GPC6: variants seen among roughly 807,000 people sequenced by gnomAD.
The protein encoded by GPC6 is glypican 6, also known as glypican-6.
In GPC6, 14 loss-of-function variants were observed where a neutral mutation model predicts 55.2. That is an observed-to-expected ratio of 0.25 (90% CI 0.17 to 0.40). The LOEUF is 0.40. GPC6 is among the 10% of genes least tolerant of loss of function. The pLI, the probability that GPC6 is intolerant of heterozygous loss-of-function variation, is 1.00. For synonymous variants in GPC6, 278 were observed against 259.6 expected, an observed-to-expected ratio of 1.07 and a Z score of -0.68; for missense variants, 641 against 708.5, an observed-to-expected ratio of 0.90 and a Z score of 1.08.
chr13:94,011,502 CTT>C (rs1159157168), intron 3 of GPC6, among the ~76,000 whole-genome samples: 1 of 152,150 alleles, frequency 6.6e-6, no homozygotes, highest in Non-Finnish European at 1.5e-5. Flanking sequence ...CCCCAGAACT[CTT>C]GGGAATACTG....
intron 2 of GPC6, among the ~76,000 whole-genome samples, chr13:93,559,985 C>T (rs1413958719): frequency 1.3e-5 from 2 of 152,164 alleles, no homozygotes; most frequent in African/African-American, 4.8e-5. Context: ...ATCACCTGCA[C>T]ACCTAAATGG....
intron 3 of GPC6, among the ~76,000 whole-genome samples, chr13:94,014,816 C>T (rs1882395719): frequency 1.3e-5 from 2 of 152,134 alleles, no homozygotes; most frequent in Non-Finnish European, 2.9e-5. Context: ...TAGCTTTTGT[C>T]ATTTAGCATA....
chr13:94,397,436 G>T (rs1880940536), intron 7 of GPC6, among the ~76,000 whole-genome samples: 1 of 152,150 alleles, frequency 6.6e-6, no homozygotes, highest in Non-Finnish European at 1.5e-5. Context: ...GGAAAGAAAT[G>T]TGAAACTCAG....
intron 3 of GPC6, among the ~76,000 whole-genome samples, chr13:93,916,388 T>A (rs1877295905): frequency 6.6e-6 from 1 of 152,100 alleles, no homozygotes; most frequent in Non-Finnish European, 1.5e-5. Flanking sequence ...CCTTTTTTCA[T>A]CACAGAACTG....
At chr13:93,526,122 T>C (rs1453664002) in intron 1 of GPC6, among the ~76,000 whole-genome samples, 1 of 152,084 alleles carries the variant, frequency 6.6e-6, no homozygotes, top group East Asian at 1.9e-4. Flanking sequence ...TGTCCCATAC[T>C]CTGATAGCTA....
chr13:93,283,849 G>C (rs80098904), intron 1 of GPC6, among the ~76,000 whole-genome samples: 2,193 of 152,116 alleles, frequency 0.014, 27 homozygotes, highest in South Asian at 0.027. Context: ...ATATTTAATT[G>C]GCATTCCTAA....
At chr13:94,241,630 G>T (rs1457613935) in intron 4 of GPC6, among the ~76,000 whole-genome samples, 1 of 152,104 alleles carries the variant, frequency 6.6e-6, no homozygotes, top group Admixed American at 6.6e-5. Flanking sequence ...CCAGAGACTG[G>T]TTGTACCCAG....
At chr13:94,258,905 G>C (rs1891578978) in intron 4 of GPC6, among the ~76,000 whole-genome samples, 1 of 152,080 alleles carries the variant, frequency 6.6e-6, no homozygotes. Flanking sequence ...TGCTTCTCAA[G>C]GCATCAAACA....
rs564266465 is a variant in GPC6, at chr13:94,396,994, T to C, written c.1290-1472T>C. On this transcript the variant is annotated intron_variant, in intron 7 of 8. Transcript: ENST00000377047. ...AATACTCCCCATCTCCTAGATTTGC[T>C]GTTGGGCTGAATTTAAAGATGTGCG... Among the ~76,000 whole-genome samples the C allele has an allele frequency of 2.6e-5, 4 of 152,320 alleles. No individual in the cohort carries two copies. In the South Asian group the frequency reaches 8.3e-4, roughly 32 times the overall value.
At chr13:93,543,258 CT>C (rs1318378781) in intron 1 of GPC6, among the ~76,000 whole-genome samples, 3 of 152,252 alleles carry the variant, frequency 2.0e-5, no homozygotes, top group African/African-American at 4.8e-5. Flanking sequence ...TGTCAAAGGC[CT>C]TTTCTGCCTC....
In GPC6 at chr13:93,485,875, C is replaced by T. The variant is rs1879689878; in HGVS notation, c.161-59388C>T. On this transcript the variant is annotated intron_variant, in intron 1 of 8. Transcript: ENST00000377047. ...TGATTCTGAAGCTCAGGGAAGAGAT[C>T]TGGAATGGAATTCAGACTTAAGACA... 2.0e-5 allele frequency among the ~76,000 whole-genome samples: 3 copies of T among 152,160 alleles called. No individual in the cohort carries two copies. In the South Asian group the frequency reaches 6.2e-4, roughly 32 times the overall value.
At chr13:93,541,202 A>C (rs1882282695) in intron 1 of GPC6, among the ~76,000 whole-genome samples, 1 of 126,028 alleles carries the variant, frequency 7.9e-6, no homozygotes, top group Non-Finnish European at 1.6e-5. Context: ...CAGTCCCCAG[A>C]GTGTGATGTT....
chr13:93,528,938 C>T (rs969637440), intron 1 of GPC6, among the ~76,000 whole-genome samples: 8 of 152,034 alleles, frequency 5.3e-5, no homozygotes, highest in African/African-American at 1.9e-4. Flanking sequence ...TGAGCATAGG[C>T]TATTTATGGG....
intron 6 of GPC6, among the ~76,000 whole-genome samples, chr13:94,314,507 A>C (rs936875786): frequency 6.6e-6 from 1 of 152,198 alleles, no homozygotes; most frequent in Admixed American, 6.5e-5. Context: ...TTATTCTGCT[A>C]TGTAATTGGT....
chr13:93,621,446 T>C (rs1313898384), intron 2 of GPC6, among the ~76,000 whole-genome samples: 1 of 152,186 alleles, frequency 6.6e-6, no homozygotes, highest in Admixed American at 6.5e-5. Context: ...GGTAGCCATG[T>C]TTCTCAAACT....
At chr13:93,912,838 C>A (rs1877079252) in intron 3 of GPC6, among the ~76,000 whole-genome samples, 2 of 152,168 alleles carry the variant, frequency 1.3e-5, no homozygotes, top group South Asian at 4.2e-4. Flanking sequence ...CTTCTGGAGG[C>A]ACTGAAAGAG....
At chr13:93,546,110 T>G (rs1296196410) in intron 2 of GPC6, among the ~76,000 whole-genome samples, 1 of 152,220 alleles carries the variant, frequency 6.6e-6, no homozygotes, top group Admixed American at 6.5e-5. Context: ...TCAACAATGA[T>G]AACAATAAAT....
At chr13:93,995,322 G>A (rs1881494014) in intron 3 of GPC6, among the ~76,000 whole-genome samples, 1 of 151,658 alleles carries the variant, frequency 6.6e-6, no homozygotes, top group African/African-American at 2.4e-5. Flanking sequence ...CAAGTAGCTG[G>A]GATTGCAGGT....
At chr13:94,122,375 C>T (rs945775652) in intron 4 of GPC6, among the ~76,000 whole-genome samples, 10 of 151,958 alleles carry the variant, frequency 6.6e-5, no homozygotes, top group East Asian at 1.9e-4. Flanking sequence ...AGTCTGACTG[C>T]GTTTCAAACT....
Sources: gnomAD v4.1 joint callset for allele counts (sites outside exome capture counted in the v4.1 genomes callset) on GRCh38, gnomAD v4.1.1 for gene constraint, MANE v1.5 for transcripts, NCBI Gene and HGNC (gene_info 2026-07-23, HGNC 2026-07-21) for gene names.